The following CDH18 variants were observed in gnomAD, a reference collection of about 807,000 sequenced individuals.
The protein encoded by CDH18 is cadherin 18, also known as cadherin-18.
Under a neutral mutation model 67.9 loss-of-function variants are expected in CDH18, and 31 were observed. That is an observed-to-expected ratio of 0.46 (90% CI 0.34 to 0.62). CDH18 has a LOEUF of 0.62. CDH18 is among the 20% of genes least tolerant of loss of function. The probability of loss-of-function intolerance (pLI) is 0.01; values close to 1 mark genes in which losing one functional copy is unlikely to be tolerated. For synonymous variants in CDH18, 362 were observed against 347.2 expected, an observed-to-expected ratio of 1.04 and a Z score of -0.48; for missense variants, 890 against 975.5, an observed-to-expected ratio of 0.91 and a Z score of 1.17.
chr5:20,139,119 T>G (rs1174696013), intron 2 of CDH18, among the ~76,000 whole-genome samples: 1 of 152,000 alleles, frequency 6.6e-6, no homozygotes. Flanking sequence ...AAAACAGAGA[T>G]ATAGACCAAT....
chr5:19,811,209 AGG>A (rs775690777), intron 3 of CDH18, among the ~76,000 whole-genome samples: 8,185 of 151,792 alleles, frequency 0.054, 482 homozygotes, highest in African/African-American at 0.064. Flanking sequence ...GAAGGAAGGA[AGG>A]AAGGAAAGAA....
chr5:19,763,111 T>G (rs904891600), intron 3 of CDH18, among the ~76,000 whole-genome samples: 8 of 151,922 alleles, frequency 5.3e-5, no homozygotes, highest in Non-Finnish European at 1.2e-4. Context: ...GGTCTGGGGA[T>G]GGGGGAGGGA....
chr5:20,355,925 C>T (rs1741571416), intron 1 of CDH18, among the ~76,000 whole-genome samples: 1 of 152,202 alleles, frequency 6.6e-6, no homozygotes, highest in South Asian at 2.1e-4. Context: ...TACAGATTGA[C>T]AAGCACATTC....
chr5:20,369,285 G>T (rs1742780793), intron 1 of CDH18, among the ~76,000 whole-genome samples: 1 of 151,846 alleles, frequency 6.6e-6, no homozygotes, highest in Non-Finnish European at 1.5e-5. Flanking sequence ...AGAAAAAAAA[G>T]AGCAAGAAGC....
chr5:19,870,120 T>C (rs778907082), intron 2 of CDH18, among the ~76,000 whole-genome samples: 4 of 152,112 alleles, frequency 2.6e-5, no homozygotes, highest in Non-Finnish European at 4.4e-5. Flanking sequence ...TGTGAGATCT[T>C]AAATAGGTAA....
At chr5:19,754,408 A>T (rs1178116385) in intron 3 of CDH18, among the ~76,000 whole-genome samples, 1 of 152,224 alleles carries the variant, frequency 6.6e-6, no homozygotes, top group African/African-American at 2.4e-5. Context: ...GCAGTTAAAA[A>T]GGGCAAAGAG....
chr5:19,504,613 GT>G (rs888172315), intron 10 of CDH18, among the ~76,000 whole-genome samples: 1 of 152,018 alleles, frequency 6.6e-6, no homozygotes, highest in Non-Finnish European at 1.5e-5. Flanking sequence ...AATATTTTAA[GT>G]TTTTTAAGGG....
intron 3 of CDH18, among the ~76,000 whole-genome samples, chr5:19,778,664 C>T (rs945226203): frequency 2.0e-5 from 3 of 152,130 alleles, no homozygotes; most frequent in Admixed American, 6.6e-5. Flanking sequence ...GTGATATGGA[C>T]TCTTCTTATT....
intron 1 of CDH18, among the ~76,000 whole-genome samples, chr5:20,277,684 G>A (rs1175747261): frequency 3.3e-5 from 5 of 152,112 alleles, no homozygotes; most frequent in African/African-American, 7.2e-5. Flanking sequence ...ACAAGGGACC[G>A]ATCCTGAAGA....
chr5:19,796,257 T>C (rs1776836843), intron 3 of CDH18, among the ~76,000 whole-genome samples: 2 of 151,752 alleles, frequency 1.3e-5, no homozygotes, highest in African/African-American at 4.8e-5. Context: ...TTCAAACAAA[T>C]CCACAACAAG....
At chr5:20,158,000 C>G (rs941674206) in intron 2 of CDH18, among the ~76,000 whole-genome samples, 1 of 152,144 alleles carries the variant, frequency 6.6e-6, no homozygotes, top group African/African-American at 2.4e-5. Context: ...ACCTTTCACT[C>G]TCTACTTCCA....
chr5:20,391,865 T>C (rs1744890867), intron 1 of CDH18, among the ~76,000 whole-genome samples: 3 of 152,038 alleles, frequency 2.0e-5, no homozygotes, highest in Admixed American at 2.0e-4. Flanking sequence ...TAATTTATAA[T>C]GATTATTTTT....
At chr5:20,175,767 T>G (rs1366270678) in intron 2 of CDH18, among the ~76,000 whole-genome samples, 1 of 152,120 alleles carries the variant, frequency 6.6e-6, no homozygotes, top group Non-Finnish European at 1.5e-5. Flanking sequence ...CACATTTTTC[T>G]GCCTGCTTTA....
intron 1 of CDH18, among the ~76,000 whole-genome samples, chr5:20,443,695 C>T (rs898123056): frequency 4.6e-5 from 7 of 151,806 alleles, no homozygotes; most frequent in African/African-American, 1.7e-4. Flanking sequence ...ATATTGCCTC[C>T]TTTATATCAT....
At chr5:19,717,122 C>T (rs756097914) in intron 5 of CDH18, among the ~76,000 whole-genome samples, 3 of 151,860 alleles carry the variant, frequency 2.0e-5, no homozygotes, top group East Asian at 1.9e-4. Context: ...GGTTTAACTA[C>T]GATTTTGTAA....
intron 8 of CDH18, among the ~76,000 whole-genome samples, chr5:19,565,016 C>G (rs1365343684): frequency 6.6e-6 from 1 of 151,810 alleles, no homozygotes; most frequent in Non-Finnish European, 1.5e-5. Flanking sequence ...GTCAGCTCAG[C>G]CACAGTAGAA....
chr5:19,635,089 A>G (rs1467471449), intron 5 of CDH18, among the ~76,000 whole-genome samples: 2 of 152,338 alleles, frequency 1.3e-5, no homozygotes, highest in African/African-American at 4.8e-5. Flanking sequence ...TTTACACATT[A>G]TTACTAATTT....
chr5:20,305,611 T>G, intron 1 of CDH18: 17 of 424,962 alleles, frequency 4.0e-5, no homozygotes, highest in East Asian at 1.1e-4. Context: ...GACTTGGTGC[T>G]CGGCAAACCC....
At chr5:20,356,257 C>A (rs1741598291) in intron 1 of CDH18, among the ~76,000 whole-genome samples, 1 of 152,120 alleles carries the variant, frequency 6.6e-6, no homozygotes, top group South Asian at 2.1e-4. Context: ...GTGGCAGGTG[C>A]CTGCAATCCC....
Sources: allele counts gnomAD v4.1 joint callset (sites outside exome capture counted in the v4.1 genomes callset), GRCh38; gene constraint gnomAD v4.1.1; transcripts MANE v1.5; gene names NCBI Gene and HGNC (gene_info 2026-07-23, HGNC 2026-07-21).